Variants in SPATA22 observed in about 807,000 individuals in gnomAD.
SPATA22 encodes the protein spermatogenesis-associated protein 22.
SPATA22 carries 29 observed loss-of-function variants against 47.8 expected under a neutral mutation model. The observed-to-expected ratio is 0.61, with a 90% CI of 0.45 to 0.83. The LOEUF is 0.83. Ranked by LOEUF, SPATA22 falls within the 40% of genes least tolerant of loss-of-function variation. The pLI, the probability that SPATA22 is intolerant of heterozygous loss-of-function variation, is 0.00. For synonymous variants in SPATA22, 133 were observed against 140.9 expected (o/e 0.94, Z 0.40); for missense variants, 410 against 421.7 (o/e 0.97, Z 0.24).
chr17:3,498,722 G>C (rs750371324), intron 1 of SPATA22, among the ~76,000 whole-genome samples: 3 of 152,130 alleles, frequency 2.0e-5, no homozygotes, highest in African/African-American at 4.8e-5. Flanking sequence ...CAAAATTCAC[G>C]ACCCAATGTC....
At chr17:3,458,537 A>G (rs1347314395) in intron 5 of SPATA22, among the ~76,000 whole-genome samples, 1 of 152,166 alleles carries the variant, frequency 6.6e-6, no homozygotes, top group Non-Finnish European at 1.5e-5. Flanking sequence ...GATTCATTGC[A>G]GTATTATTCA....
chr17:3,465,793 A>AAAAAAAAAC (rs1457011163), intron 3 of SPATA22, among the ~76,000 whole-genome samples: 1 of 151,326 alleles, frequency 6.6e-6, no homozygotes, highest in Non-Finnish European at 1.5e-5. Flanking sequence ...AAAAATTTAA[A>AAAAAAAAAC]AAACAAAAAA....
intron 1 of SPATA22, chr17:3,483,685 CAG>C (rs1184891141): frequency 7.9e-7 from 1 of 1,259,596 alleles, no homozygotes. Flanking sequence ...ATTTTTGAGA[CAG>C]AGTCTTGCTC....
chr17:3,505,885 G>A (rs1567623283), intron 1 of SPATA22, among the ~76,000 whole-genome samples: 1 of 151,992 alleles, frequency 6.6e-6, no homozygotes, highest in East Asian at 1.9e-4. Context: ...AGCCTCCTGG[G>A]TAGTTGAGAT....
chr17:3,457,873 G>GA (rs937538060), intron 5 of SPATA22, among the ~76,000 whole-genome samples: 8 of 152,098 alleles, frequency 5.3e-5, no homozygotes, highest in African/African-American at 1.9e-4. Context: ...AAACTCTTAG[G>GA]AAAAAACGCA....
Position 3,454,705 on chromosome 17 carries a change from G to T in SPATA22, c.330-5556C>A, listed in dbSNP as rs1174459255. On this transcript the variant is annotated intron_variant, in intron 5 of 8. Transcript: ENST00000572969. ...TTCTTAATCCAGTCAATCATTGTTG[G>T]ACATTTGGGTTGGTTCCAAGTCTTT... Among the ~76,000 whole-genome samples the T allele has an allele frequency of 2.6e-5, 4 of 151,914 alleles. No homozygotes were observed. In the East Asian group the frequency reaches 7.7e-4, roughly 29 times the overall value.
chr17:3,494,204 A>G, intron 1 of SPATA22: 1 of 651,726 alleles, frequency 1.5e-6, no homozygotes, highest in Non-Finnish European at 2.9e-6. Context: ...GGGGTTCACC[A>G]TGTTGGCCAG....
intron 1 of SPATA22, among the ~76,000 whole-genome samples, chr17:3,494,798 G>C (rs936967465): frequency 6.6e-6 from 1 of 152,336 alleles, no homozygotes; most frequent in Non-Finnish European, 1.5e-5. Context: ...AGGCCACTTA[G>C]AGAAAGTGAA....
chr17:3,509,203 C>CA (rs367962582), intron 1 of SPATA22, among the ~76,000 whole-genome samples: 23 of 143,502 alleles, frequency 1.6e-4, no homozygotes, highest in South Asian at 2.2e-4. Flanking sequence ...TTATTTCTTC[C>CA]AAAAAAAAAA....
At chr17:3,476,109 C>G (rs1567608450), upstream of SPATA22, 1 of 1,544,746 alleles carries the variant, frequency 6.5e-7, no homozygotes, top group Admixed American at 1.7e-5. Flanking sequence ...ATCGAATTTC[C>G]TTTGATCTCT....
At chr17:3,454,639 T>C (rs1025013698) in intron 5 of SPATA22, among the ~76,000 whole-genome samples, 3 of 152,128 alleles carry the variant, frequency 2.0e-5, no homozygotes, top group Non-Finnish European at 2.9e-5. Context: ...TCATCATTTT[T>C]TATGGCTGCA....
intron 1 of SPATA22, chr17:3,501,604 G>A (rs906402003): frequency 8.5e-5 from 14 of 164,700 alleles, no homozygotes; most frequent in Middle Eastern, 2.9e-3. Context: ...AGAATATTAC[G>A]TAAACATAGT....
Position 3,490,971 on chromosome 17 carries a change from G to A in SPATA22, c.-73-21573C>T, listed in dbSNP as rs2073814532. On this transcript the variant is annotated intron_variant, in intron 1 of 8. Transcript: ENST00000541913. This position sits in a 1 kb window ranked among gnomAD's most constrained non-coding sequence, Gnocchi z 4.6. ...AACCACGATTAATTTAGACTATCCA[G>A]CTTGGTGGATTTTCAACTGAGCACT... Among the ~76,000 whole-genome samples, 1 of 152,200 alleles carries A rather than the reference G, an allele frequency of 6.6e-6. No homozygotes were observed. Among genetic ancestry groups the A allele is most frequent in the African/African-American group, 2.4e-5 (1 of 41,438 alleles).
intron 1 of SPATA22, among the ~76,000 whole-genome samples, chr17:3,481,033 A>G (rs1244128122): frequency 6.6e-6 from 1 of 152,094 alleles, no homozygotes. Context: ...TGAGATGGGA[A>G]GATTGCTTGA....
chr17:3,460,394 T>G (rs1015411120), intron 5 of SPATA22, among the ~76,000 whole-genome samples: 1 of 152,216 alleles, frequency 6.6e-6, no homozygotes, highest in Non-Finnish European at 1.5e-5. Flanking sequence ...ATAATGAGAA[T>G]AGTAAGTTAT....
intron 5 of SPATA22, among the ~76,000 whole-genome samples, chr17:3,457,470 A>G (rs1281735800): frequency 1.3e-5 from 2 of 151,858 alleles, no homozygotes; most frequent in Non-Finnish European, 2.9e-5. Context: ...TCACAGAAAT[A>G]GAAAAAACAA....
intron 1 of SPATA22, among the ~76,000 whole-genome samples, chr17:3,484,626 A>G (rs1343251742): frequency 6.6e-6 from 1 of 152,252 alleles, no homozygotes; most frequent in East Asian, 1.9e-4. Flanking sequence ...TCTGCTATAG[A>G]GCAATACTTT....
intron 5 of SPATA22, among the ~76,000 whole-genome samples, chr17:3,460,615 C>T (rs1050391658): frequency 6.6e-6 from 1 of 151,516 alleles, no homozygotes; most frequent in African/African-American, 2.4e-5. Context: ...ACAGCAAGGC[C>T]TCATCTCTAC....
chr17:3,440,293 C>G lies in SPATA22; in HGVS notation c.946G>C (p.Val316Leu). The change falls in exon 9 of 9, where the codon GTT becomes CTT. Residue 316 changes from valine (V) to leucine (L), a missense_variant. Physicochemically the swap from Val to Leu is conservative, Grantham distance 32. Coordinates refer to ENST00000572969, the MANE Select transcript of SPATA22 (RefSeq NM_001170698.2). The part of the protein sequence containing the change: ...RLIRGRVHRC[V>L]GNYDQKKNIF... ...TTCTTTTTCTGGTCATAGTTGCCAA[C>G]ACATCTATGAACTCGGCCTCTAATC... 1.2e-6 allele frequency: 2 copies of G among 1,607,272 alleles called. No individual in the cohort carries two copies. The highest frequency in any genetic ancestry group is 1.7e-6 in the Non-Finnish European group (2 of 1,175,846).
Sources: gnomAD v4.1 joint callset for allele counts (sites outside exome capture counted in the v4.1 genomes callset) on GRCh38, gnomAD v4.1.1 for gene constraint, Gnocchi (gnomAD v3.1) non-coding constraint, MANE v1.5 for transcripts, NCBI Gene and HGNC (gene_info 2026-07-23, HGNC 2026-07-21) for gene names.